Variants in NDUFS4 observed in about 807,000 individuals in gnomAD.
The protein encoded by NDUFS4 is NADH dehydrogenase [ubiquinone] iron-sulfur protein 4, mitochondrial.
NDUFS4 carries 28 observed loss-of-function variants against 24.3 expected under a neutral mutation model. That is an observed-to-expected ratio of 1.15 (90% CI 0.85 to 1.58). The LOEUF (loss-of-function observed/expected upper bound fraction) is 1.58, where lower values mean the gene tolerates loss of function less well. Among genes scored for constraint, NDUFS4 ranks in the 40% most tolerant of loss-of-function variants. The pLI is 0.00. For missense variants in NDUFS4, 223 were observed against 207.9 expected (o/e 1.07, Z -0.45); for synonymous variants, 93 against 69.7 (o/e 1.34, Z -1.67).
chr5:53,628,031 C>G (rs1415546072), intron 2 of NDUFS4, among the ~76,000 whole-genome samples: 1 of 152,074 alleles, frequency 6.6e-6, no homozygotes. Flanking sequence ...TCATAAATAG[C>G]TCTTATTATT....
At chr5:53,589,388 A>G (rs1373065518) in intron 1 of NDUFS4, among the ~76,000 whole-genome samples, 12 of 152,214 alleles carry the variant, frequency 7.9e-5, no homozygotes, top group Non-Finnish European at 2.9e-5. Flanking sequence ...ACAGTCAGGA[A>G]TGCTACTCCG....
intron 1 of NDUFS4, 39 bp downstream of exon 1, chr5:53,560,799 T>C: frequency 2.5e-6 from 4 of 1,613,290 alleles, no homozygotes; most frequent in Non-Finnish European, 3.4e-6. Context: ...GCTTCTTGGG[T>C]CCCTCCATTT....
chr5:53,682,330 A>C (rs1183917931), intron 4 of NDUFS4, among the ~76,000 whole-genome samples: 1 of 152,074 alleles, frequency 6.6e-6, no homozygotes, highest in African/African-American at 2.4e-5. Context: ...AGGAAAATAT[A>C]AATACTCAGA....
rs149482195 is a variant in NDUFS4 at position 53,683,162 on chromosome 5, T to A, written c.469T>A (p.Ser157Thr). The A allele has an allele frequency of 1.1e-4, 171 of 1,612,644 alleles. No homozygotes were observed. In the African/African-American group the frequency reaches 1.9e-3, roughly 17 times the overall value. Reference sequence around the variant, plus strand: ...AGAGAGGAAGGTTCCAAAACCCAAGTCCAAGTCTTATGGTGCAAACTTTTC... The same window carrying A: ...AGAGAGGAAGGTTCCAAAACCCAAGACCAAGTCTTATGGTGCAAACTTTTC... ...IEERKVPKPK[S>T]KSYGANFSWN... is the part of the protein sequence containing the mutation. Residue 157 changes from serine (S) to threonine (T), a missense_variant, in exon 5 of 5, where the codon TCC becomes ACC. Physicochemically the swap from Ser to Thr is moderately conservative, Grantham distance 58. Coordinates refer to ENST00000296684, the MANE Select transcript of NDUFS4 (RefSeq NM_002495.4).
At chr5:53,581,423 C>G (rs1749564760) in intron 1 of NDUFS4, among the ~76,000 whole-genome samples, 1 of 152,078 alleles carries the variant, frequency 6.6e-6, no homozygotes, top group South Asian at 2.1e-4. Flanking sequence ...TTCATATTCC[C>G]TGCTCATTTC....
intron 2 of NDUFS4, among the ~76,000 whole-genome samples, chr5:53,605,756 T>C (rs1251062585): frequency 1.3e-5 from 2 of 152,140 alleles, no homozygotes; most frequent in African/African-American, 4.8e-5. Flanking sequence ...GGCTCGTGCC[T>C]GTAATCCCAG....
At chr5:53,658,678 CTTAA>C (rs1752233456) in intron 4 of NDUFS4, 54 bp downstream of exon 4, 1 of 1,472,622 alleles carries the variant, frequency 6.8e-7, no homozygotes, top group African/African-American at 1.4e-5. Context: ...TGTTCTTAAC[CTTAA>C]TTAAAACCAA....
chr5:53,565,895 CG>C (rs1749005898), intron 1 of NDUFS4, among the ~76,000 whole-genome samples: 1 of 152,060 alleles, frequency 6.6e-6, no homozygotes, highest in African/African-American at 2.4e-5. Flanking sequence ...GTAATACGGC[CG>C]GGTGCGGTGG....
At chr5:53,653,674 A>C (rs1337814398) in intron 3 of NDUFS4, among the ~76,000 whole-genome samples, 1 of 151,936 alleles carries the variant, frequency 6.6e-6, no homozygotes, top group Non-Finnish European at 1.5e-5. Context: ...CCCTCCCTCC[A>C]TAGAAGCCCC....
intron 2 of NDUFS4, among the ~76,000 whole-genome samples, chr5:53,644,903 G>A (rs1308299173): frequency 2.6e-5 from 4 of 152,080 alleles, no homozygotes; most frequent in Non-Finnish European, 2.9e-5. Context: ...TTTTAATCTT[G>A]TGGATAGAGA....
intron 1 of NDUFS4, among the ~76,000 whole-genome samples, chr5:53,580,137 A>T (rs1378089335): frequency 6.6e-6 from 1 of 152,202 alleles, no homozygotes; most frequent in Non-Finnish European, 1.5e-5. Flanking sequence ...GTGTCTCATT[A>T]TCCACCATGA....
chr5:53,593,982 G>A (rs1303421341), intron 1 of NDUFS4, among the ~76,000 whole-genome samples: 1 of 152,068 alleles, frequency 6.6e-6, no homozygotes, highest in Non-Finnish European at 1.5e-5. Flanking sequence ...CTTGGTGAAT[G>A]TTTCACTTGA....
At chr5:53,596,328 G>A (rs944064317) in intron 1 of NDUFS4, among the ~76,000 whole-genome samples, 1 of 152,158 alleles carries the variant, frequency 6.6e-6, no homozygotes. Context: ...AGCTACTCAG[G>A]AGGCTGAGGT....
At chr5:53,681,639 G>GGTTAT (rs957802122) in intron 4 of NDUFS4, among the ~76,000 whole-genome samples, 5 of 152,010 alleles carry the variant, frequency 3.3e-5, no homozygotes, top group South Asian at 4.2e-4. Context: ...GTGAAAGTAA[G>GGTTAT]GTTATGTTGA....
chr5:53,567,720 G>T (rs1357561893), intron 1 of NDUFS4, among the ~76,000 whole-genome samples: 1 of 151,982 alleles, frequency 6.6e-6, no homozygotes, highest in Non-Finnish European at 1.5e-5. Flanking sequence ...CTTCCCTTTA[G>T]CAGTTTTAGC....
intron 2 of NDUFS4, among the ~76,000 whole-genome samples, chr5:53,633,355 T>G (rs1751462455): frequency 6.6e-6 from 1 of 152,200 alleles, no homozygotes. Flanking sequence ...TGAGGTAAGT[T>G]GTAAAACCTA....
chr5:53,605,420 T>C (rs528282940), intron 2 of NDUFS4, among the ~76,000 whole-genome samples: 1 of 152,292 alleles, frequency 6.6e-6, no homozygotes, highest in Non-Finnish European at 1.5e-5. Context: ...TTCTCTTCTT[T>C]CTAGTTTGAA....
At chr5:53,654,435 AAT>A (rs1752104300) in intron 3 of NDUFS4, among the ~76,000 whole-genome samples, 2 of 152,086 alleles carry the variant, frequency 1.3e-5, no homozygotes, top group African/African-American at 2.4e-5. Flanking sequence ...AGCAGAATAT[AAT>A]TTTTTTTTGC....
chr5:53,625,590 T>C (rs1751195453), intron 2 of NDUFS4, among the ~76,000 whole-genome samples: 1 of 152,216 alleles, frequency 6.6e-6, no homozygotes, highest in African/African-American at 2.4e-5. Context: ...TATTGTCCTG[T>C]CTTCAAATTT....
Sources: gnomAD v4.1 joint callset for allele counts (sites outside exome capture counted in the v4.1 genomes callset) on GRCh38, gnomAD v4.1.1 for gene constraint, MANE v1.5 for transcripts, NCBI Gene and HGNC (gene_info 2026-07-23, HGNC 2026-07-21) for gene names.